ZNF277: variants seen among roughly 807,000 people sequenced by gnomAD.
The protein encoded by ZNF277 is zinc finger protein 277, also known as nuclear receptor-interacting factor 4.
Under a neutral mutation model 60.7 loss-of-function variants are expected in ZNF277, and 55 were observed. The ratio of observed to expected loss-of-function variants is 0.91; its 90% CI spans 0.73 to 1.13. The LOEUF is 1.13. Ranked by LOEUF, ZNF277 falls within the 50% of genes most tolerant of loss-of-function variation. ZNF277 has a pLI of 0.00. For synonymous variants in ZNF277, 178 were observed against 179.3 expected (o/e 0.99, Z 0.06); for missense variants, 510 against 523.0 (o/e 0.98, Z 0.24).
intron 1 of ZNF277, among the ~76,000 whole-genome samples, chr7:112,208,015 A>G (rs993676147): frequency 7.9e-5 from 12 of 152,124 alleles, no homozygotes. Flanking sequence ...GGTTTCCTAG[A>G]TTTTCAAAGT....
intron 5 of ZNF277, among the ~76,000 whole-genome samples, chr7:112,324,127 G>A (rs1446841127): frequency 2.0e-5 from 3 of 152,138 alleles, no homozygotes; most frequent in Non-Finnish European, 4.4e-5. Context: ...TCTCAATAAA[G>A]TCATTGTACA....
intron 1 of ZNF277, among the ~76,000 whole-genome samples, chr7:112,268,843 G>C (rs1198462004): frequency 1.3e-5 from 2 of 152,006 alleles, no homozygotes; most frequent in African/African-American, 2.4e-5. Context: ...TGGTTTCATT[G>C]ATTGCCACTT....
intron 1 of ZNF277, among the ~76,000 whole-genome samples, chr7:112,208,847 G>C (rs143650930): frequency 6.6e-6 from 1 of 151,750 alleles, no homozygotes; most frequent in African/African-American, 2.4e-5. Context: ...AGCCCGGCTA[G>C]TTTTTTGTAT....
chr7:112,277,304 G>C (rs191811663), intron 1 of ZNF277, among the ~76,000 whole-genome samples: 5 of 152,074 alleles, frequency 3.3e-5, no homozygotes, highest in Non-Finnish European at 7.4e-5. Flanking sequence ...AGATGGTCTC[G>C]ATCTCCTGAC....
At chr7:112,314,845 G>A (rs190292543) in intron 4 of ZNF277, among the ~76,000 whole-genome samples, 1 of 152,214 alleles carries the variant, frequency 6.6e-6, no homozygotes, top group Non-Finnish European at 1.5e-5. Flanking sequence ...AGAGTATTGT[G>A]AATGCCATGC....
intron 1 of ZNF277, among the ~76,000 whole-genome samples, chr7:112,214,423 A>G (rs1228983704): frequency 6.6e-6 from 1 of 152,180 alleles, no homozygotes; most frequent in Non-Finnish European, 1.5e-5. Context: ...CTTTTCATTG[A>G]CAGTACCTTA....
Position 112,281,053 on chromosome 7 carries a change from C to A in ZNF277, c.92-5820C>A, listed in dbSNP as rs149905119. Among the ~76,000 whole-genome samples the A allele has an allele frequency of 3.4e-3, 519 of 152,308 alleles. 4 individuals carry two copies. Among genetic ancestry groups the A allele is most frequent in the Middle Eastern group, 0.027 (8 of 294 alleles). ...CAGTGCTTAGTAATTTAGAGACTCT[C>A]TGTTGGACAGAATAGACTGTCAGAT... On this transcript the variant is annotated intron_variant, in intron 1 of 11. Transcript: ENST00000361822.
In ZNF277 at chr7:112,330,104, A is replaced by G. The variant is rs757721517; in HGVS notation, c.689A>G (p.Glu230Gly). 8 of 1,613,458 alleles carry G rather than the reference A, an allele frequency of 5.0e-6. No individual in the cohort carries two copies. The South Asian group carries it at 8.8e-5, about 18-fold the overall frequency. Residue 230 changes from glutamate to glycine, a missense_variant, in exon 7 of 12, where the codon GAG (glutamate) becomes GGG (glycine). Transcript: ENST00000361822. ...TGTAGTTTGCAGTGCTTGTACTGTGAGAAGACCTTCAGGGACAAAAATACA... is the reference window on the plus strand; with the variant it reads ...TGTAGTTTGCAGTGCTTGTACTGTGGGAAGACCTTCAGGGACAAAAATACA... Reference protein sequence around the residue: ...KLDNLQCLYCEKTFRDKNTLK... With the variant: ...KLDNLQCLYCGKTFRDKNTLK...
At chr7:112,294,394 T>C (rs1792278891) in intron 2 of ZNF277, among the ~76,000 whole-genome samples, 1 of 152,204 alleles carries the variant, frequency 6.6e-6, no homozygotes, top group Non-Finnish European at 1.5e-5. Context: ...TTCTGAGATT[T>C]CTAATATGGA....
intron 1 of ZNF277, among the ~76,000 whole-genome samples, chr7:112,259,544 G>A (rs1791397256): frequency 6.6e-6 from 1 of 152,122 alleles, no homozygotes. Context: ...TTACTTAAGA[G>A]CGCTTAATTT....
intron 1 of ZNF277, among the ~76,000 whole-genome samples, chr7:112,242,082 A>C (rs930080632): frequency 6.6e-6 from 1 of 152,112 alleles, no homozygotes; most frequent in Non-Finnish European, 1.5e-5. Flanking sequence ...TATGCACCAT[A>C]TGCCTGTGTC....
intron 1 of ZNF277, among the ~76,000 whole-genome samples, chr7:112,237,348 G>A (rs557456216): frequency 1.3e-5 from 2 of 152,072 alleles, no homozygotes; most frequent in African/African-American, 4.8e-5. Context: ...CCCAAAGCTA[G>A]CAGAAGAAAA....
intron 2 of ZNF277, among the ~76,000 whole-genome samples, chr7:112,290,475 A>G (rs1202947696): frequency 6.6e-6 from 1 of 152,240 alleles, no homozygotes; most frequent in Non-Finnish European, 1.5e-5. Context: ...CTCTAAATGC[A>G]GATATACAAT....
At chr7:112,275,921 A>C (rs1014471090) in intron 1 of ZNF277, among the ~76,000 whole-genome samples, 1 of 152,222 alleles carries the variant, frequency 6.6e-6, no homozygotes, top group Non-Finnish European at 1.5e-5. Context: ...AAACTAAGAA[A>C]TGCCACACGG....
Position 112,342,924 on chromosome 7 carries a change from A to T in ZNF277, c.*195A>T. 2.6e-6 allele frequency: 1 copy of T among 390,500 alleles called. No individual in the cohort carries two copies. The highest frequency in any genetic ancestry group is 4.5e-6 in the Non-Finnish European group (1 of 223,500). 24.2% of individuals were successfully genotyped at this position (390,500 alleles called of 1,614,324 possible). A position where few individuals can be genotyped will look rare whatever the true frequency, so the allele number is the denominator to read the frequency against. Reference sequence around the variant, plus strand: ...ATGCACTTACTAAGAACATGAAAAAAAATGAAGTAGGAAAATAAGATGAAG... The same window carrying T: ...ATGCACTTACTAAGAACATGAAAAATAATGAAGTAGGAAAATAAGATGAAG... On this transcript the variant is annotated 3_prime_UTR_variant, in exon 12 of 12. Transcript: ENST00000361822.
intron 1 of ZNF277, among the ~76,000 whole-genome samples, chr7:112,241,717 T>C (rs910966360): frequency 1.1e-4 from 16 of 152,084 alleles, no homozygotes; most frequent in African/African-American, 3.9e-4. Context: ...TGGATGGAAT[T>C]GGAGGACATT....
chr7:112,299,539 C>A (rs1792426285), intron 4 of ZNF277, among the ~76,000 whole-genome samples: 1 of 152,198 alleles, frequency 6.6e-6, no homozygotes, highest in Non-Finnish European at 1.5e-5. Context: ...GAAGACTTTA[C>A]AGCCAGAGGG....
chr7:112,285,434 ATTTTT>A (rs397888986), intron 1 of ZNF277, among the ~76,000 whole-genome samples: 1 of 127,508 alleles, frequency 7.8e-6, no homozygotes, highest in Non-Finnish European at 1.6e-5. Flanking sequence ...AAAATAGGAA[ATTTTT>A]TTTTTTTTTT....
At chr7:112,310,489 G>GAGAGAGAGAGAGA in intron 4 of ZNF277, among the ~76,000 whole-genome samples, 1 of 142,974 alleles carries the variant, frequency 7.0e-6, no homozygotes, top group African/African-American at 3.0e-5. Context: ...GTGTGTGTGT[G>GAGAGAGAGAGAGA]TGTATGTATT....
Sources: gnomAD v4.1 joint callset for allele counts (sites outside exome capture counted in the v4.1 genomes callset) on GRCh38, gnomAD v4.1.1 for gene constraint, MANE v1.5 for transcripts, NCBI Gene and HGNC (gene_info 2026-07-23, HGNC 2026-07-21) for gene names.